The following CRYL1 variants were observed in gnomAD, a reference collection of about 807,000 sequenced individuals.
CRYL1 encodes crystallin lambda 1.
CRYL1 carries 29 observed loss-of-function variants against 36.6 expected under a neutral mutation model. The observed-to-expected ratio is 0.79, with a 90% CI of 0.59 to 1.08. CRYL1 has a LOEUF of 1.08. Among genes scored for constraint, CRYL1 ranks in the 50% least tolerant of loss-of-function variants. CRYL1 has a pLI of 0.00. For missense variants in CRYL1, 411 were observed against 407.9 expected, an observed-to-expected ratio of 1.01 and a Z score of -0.06; for synonymous variants, 152 against 151.5, an observed-to-expected ratio of 1.00 and a Z score of -0.02.
At chr13:20,459,702 G>A (rs1258596160) in intron 3 of CRYL1, among the ~76,000 whole-genome samples, 1 of 152,190 alleles carries the variant, frequency 6.6e-6, no homozygotes, top group Non-Finnish European at 1.5e-5. Flanking sequence ...ATTTAGGGTG[G>A]AGGGTGGGAG....
intron 3 of CRYL1, among the ~76,000 whole-genome samples, chr13:20,475,774 G>A (rs753316881): frequency 2.0e-5 from 3 of 152,176 alleles, no homozygotes; most frequent in Admixed American, 6.5e-5. Context: ...CCCTTTCAGC[G>A]GAAGATTCCC....
intron 3 of CRYL1, among the ~76,000 whole-genome samples, chr13:20,463,304 T>A (rs1158783523): frequency 3.3e-5 from 5 of 151,008 alleles, no homozygotes. Flanking sequence ...GATGCTTGAG[T>A]TTTTTCCCAG....
chr13:20,489,488 A>G lies in CRYL1; in HGVS notation c.158T>C (p.Met53Thr). Residue 53 changes from methionine (M) to threonine (T), a missense_variant, in exon 3 of 8, where the codon ATG becomes ACG. Coordinates refer to ENST00000298248, the MANE Select transcript of CRYL1 (RefSeq NM_015974.3). ...AGAACCTGCCTGCTCCAGCAACTTCATCTCCTTTCTGGAAAGGCAGAGAGA... is the reference window on the plus strand; with the variant it reads ...AGAACCTGCCTGCTCCAGCAACTTCGTCTCCTTTCTGGAAAGGCAGAGAGA... The part of the protein sequence containing the change: ...RNALENIRKE[M>T]KLLEQAGSLK... 6.2e-7 allele frequency: 1 copy of G among 1,613,052 alleles called. No homozygotes were observed. Among genetic ancestry groups the G allele is most frequent in the South Asian group, 1.1e-5 (1 of 91,084 alleles).
rs942699644 is a variant in CRYL1 at position 20,430,434 on chromosome 13, T to G, written c.633+1668A>C. The G allele has an allele frequency of 3.3e-5, 33 of 985,334 alleles. No individual in the cohort carries two copies. In the African/African-American group the frequency reaches 5.6e-4, roughly 17 times the overall value. The allele number at this position is 985,334 out of a possible 1,614,324, so 61.0% of individuals were successfully genotyped here. A position where few individuals can be genotyped will look rare whatever the true frequency, so the allele number is the denominator to read the frequency against. ...CCACAGAAAGCCAGGAGTAAGAATG[T>G]TCCCGCTAGCCAGTAACACAATGTC... On this transcript the variant is annotated intron_variant, in intron 5 of 7. Transcript: ENST00000298248.
chr13:20,485,394 G>A (rs1384378512), intron 3 of CRYL1, among the ~76,000 whole-genome samples: 3 of 152,160 alleles, frequency 2.0e-5, no homozygotes, highest in Non-Finnish European at 4.4e-5. Flanking sequence ...TGGGCGCAAT[G>A]GTTCATGCCT....
intron 1 of CRYL1, among the ~76,000 whole-genome samples, chr13:20,515,435 T>C (rs925845705): frequency 6.6e-6 from 1 of 152,088 alleles, no homozygotes; most frequent in Admixed American, 6.5e-5. Flanking sequence ...TAAGAGTGGA[T>C]GGAGCCAGTA....
chr13:20,411,696 T>A (rs2031528967), intron 6 of CRYL1, among the ~76,000 whole-genome samples: 2 of 152,222 alleles, frequency 1.3e-5, no homozygotes, highest in Admixed American at 6.5e-5. Context: ...AAGAAAACTC[T>A]TGTTTCACTG....
At chr13:20,463,837 G>T (rs945235727) in intron 3 of CRYL1, among the ~76,000 whole-genome samples, 1 of 152,226 alleles carries the variant, frequency 6.6e-6, no homozygotes, top group Non-Finnish European at 1.5e-5. Context: ...ATTCGAAGAT[G>T]TAGTAGTACC....
chr13:20,448,984 A>G (rs904939339), intron 3 of CRYL1, among the ~76,000 whole-genome samples: 2 of 152,338 alleles, frequency 1.3e-5, no homozygotes, highest in Admixed American at 6.5e-5. Context: ...CCTGGCCAAC[A>G]TGGTGAAACC....
At chr13:20,472,743 C>T (rs772830374) in intron 3 of CRYL1, among the ~76,000 whole-genome samples, 6 of 152,266 alleles carry the variant, frequency 3.9e-5, no homozygotes, top group South Asian at 4.1e-4. Flanking sequence ...AGCTGAGGTT[C>T]GCAGGGTGGG....
Position 20,413,392 on chromosome 13 carries a change from G to T in CRYL1, c.634-5C>A. 6.3e-7 allele frequency: 1 copy of T among 1,590,802 alleles called. No homozygotes were observed. The highest frequency in any genetic ancestry group is 8.6e-7 in the Non-Finnish European group (1 of 1,161,226). On this transcript the variant is annotated splice_polypyrimidine_tract_variant and splice_region_variant and intron_variant, in intron 5 of 7. Transcript: ENST00000298248. ...ACTAGGAGACACGATTCCTTCCTAC[G>T]TGGAGAAATTGGGCGGCATAGATGA...
chr13:20,404,147 A>G lies in CRYL1; in HGVS notation c.942T>C (p.Ser314=), dbSNP rs1388661337. The change falls in exon 8 of 8, where the codon AGT becomes AGC. Residue 314 remains serine, a synonymous_variant. Coordinates refer to ENST00000298248, the MANE Select transcript of CRYL1 (RefSeq NM_015974.3). ...AAGAAATTCACTGGGGCTGCACTTG[A>G]CTCTTCAACTTGGCGAGTCTCATGA... ...ECLMRLAKLK[S]QVQPQ The G allele has an allele frequency of 2.5e-6, 4 of 1,612,756 alleles. No homozygotes were observed. The African/African-American group carries it at 5.4e-5, about 22-fold the overall frequency.
At chr13:20,444,380 T>C (rs1175733570) in intron 3 of CRYL1, among the ~76,000 whole-genome samples, 3 of 152,200 alleles carry the variant, frequency 2.0e-5, no homozygotes, top group African/African-American at 4.8e-5. Flanking sequence ...TAAAAATCAG[T>C]GTAGACTGAG....
At chr13:20,437,020 G>T (rs535176403) in intron 4 of CRYL1, among the ~76,000 whole-genome samples, 2 of 152,182 alleles carry the variant, frequency 1.3e-5, no homozygotes, top group East Asian at 3.9e-4. Context: ...GTGGGGCCAG[G>T]TGTGGTGCCT....
chr13:20,492,267 A>T (rs1294815930), intron 2 of CRYL1, among the ~76,000 whole-genome samples: 1 of 152,238 alleles, frequency 6.6e-6, no homozygotes, highest in Non-Finnish European at 1.5e-5. Flanking sequence ...TAAACATACT[A>T]TAAAACCACT....
At chr13:20,491,162 C>T (rs559865832) in intron 2 of CRYL1, among the ~76,000 whole-genome samples, 3 of 152,146 alleles carry the variant, frequency 2.0e-5, no homozygotes, top group African/African-American at 7.2e-5. Context: ...CTGCCTTGGC[C>T]TCCCAAAGTG....
chr13:20,507,732 C>T (rs996928248), intron 2 of CRYL1, among the ~76,000 whole-genome samples: 10 of 152,016 alleles, frequency 6.6e-5, no homozygotes, highest in South Asian at 2.1e-4. Flanking sequence ...TCCTGGCTAA[C>T]ACAGTGAAAC....
rs776249740 is a variant in CRYL1, at chr13:20,481,405, C to T, written c.276+7965G>A. On this transcript the variant is annotated intron_variant, in intron 3 of 7. Transcript: ENST00000298248. This position sits in a 1 kb window ranked among gnomAD's most constrained non-coding sequence, Gnocchi z 4.1. ...AAGGCAAAACTATAGGGACAAAGAA[C>T]AGATCAGTGGTGGGCAAGGCCTGGG... Among the ~76,000 whole-genome samples the T allele has an allele frequency of 1.1e-4, 16 of 152,088 alleles. No homozygotes were observed. The highest frequency in any genetic ancestry group is 2.4e-4 in the Non-Finnish European group (16 of 68,010).
chr13:20,459,142 A>G (rs1303513053), intron 3 of CRYL1, among the ~76,000 whole-genome samples: 1 of 149,476 alleles, frequency 6.7e-6, no homozygotes, highest in Admixed American at 6.8e-5. Context: ...AGGCTGAGGC[A>G]GGAGAATGGC....
Sources: gnomAD v4.1 joint callset for allele counts (sites outside exome capture counted in the v4.1 genomes callset) on GRCh38, gnomAD v4.1.1 for gene constraint, Gnocchi (gnomAD v3.1) non-coding constraint, MANE v1.5 for transcripts, NCBI Gene and HGNC (gene_info 2026-07-23, HGNC 2026-07-21) for gene names.